The following KIF19 variants were observed in gnomAD, a reference collection of about 807,000 sequenced individuals.
The protein encoded by KIF19 is kinesin family member 19.
In KIF19, 98 loss-of-function variants were observed where a neutral mutation model predicts 106.6. The ratio of observed to expected loss-of-function variants is 0.92; its 90% CI spans 0.78 to 1.09. KIF19 has a LOEUF of 1.09. Among genes scored for constraint, KIF19 ranks in the 50% least tolerant of loss-of-function variants. KIF19 has a pLI of 0.00. For missense variants in KIF19, 1,373 were observed against 1,414.3 expected (o/e 0.97, Z 0.47); for synonymous variants, 516 against 584.2 (o/e 0.88, Z 1.68).
In KIF19 at chr17:74,353,189, A is replaced by G. The variant is rs781767640; in HGVS notation, c.2115-7A>G. Reference sequence around the variant, plus strand: ...TACAGCCACTCATCTTCCTCTGCCAACTTCAGTGAAGGCCACCACGTGTTC... The same window carrying G: ...TACAGCCACTCATCTTCCTCTGCCAGCTTCAGTGAAGGCCACCACGTGTTC... On this transcript the variant is annotated splice_polypyrimidine_tract_variant and splice_region_variant and intron_variant, in intron 15 of 19. Coordinates refer to ENST00000389916, the MANE Select transcript of KIF19 (RefSeq NM_153209.4). 4 of 1,577,302 alleles carry G rather than the reference A, an allele frequency of 2.5e-6. No homozygotes were observed. The highest frequency in any genetic ancestry group is 2.6e-6 in the Non-Finnish European group (3 of 1,161,430).
chr17:74,342,491 C>A, intron 3 of KIF19, 139 bp from the exon 4 acceptor site: 1 of 660,746 alleles, frequency 1.5e-6, no homozygotes, highest in Non-Finnish European at 2.7e-6. Flanking sequence ...ATCCCCTCCC[C>A]CACCCCCCAC....
chr17:74,343,368 C>G (rs1354082785), intron 5 of KIF19, among the ~76,000 whole-genome samples: 1 of 152,126 alleles, frequency 6.6e-6, no homozygotes, highest in Non-Finnish European at 1.5e-5. Flanking sequence ...AACTCAGGAC[C>G]CTGCAGCTTC....
chr17:74,334,739 GAAACAAACAAAC>G (rs889621511), intron 2 of KIF19, among the ~76,000 whole-genome samples: 3 of 152,100 alleles, frequency 2.0e-5, no homozygotes, highest in Non-Finnish European at 4.4e-5. Context: ...CTCCTTTAAA[GAAACAAACAAAC>G]AAACAAACAG....
Position 74,354,472 on chromosome 17 carries a change from G to A in KIF19, c.2619G>A (p.Lys873=). The A allele has an allele frequency of 6.2e-7, 1 of 1,608,980 alleles. No homozygotes were observed. Among genetic ancestry groups the A allele is most frequent in the African/African-American group, 1.3e-5 (1 of 75,016 alleles). Reference sequence around the variant, plus strand: ...CCAGGCCCTGGCTGCGTGGCCAGAAGAAAAGCCTGGGCAAGAAAAGGGAGG... The same window carrying A: ...CCAGGCCCTGGCTGCGTGGCCAGAAAAAAAGCCTGGGCAAGAAAAGGGAGG... ...DGPRPWLRGQ[K]KSLGKKREES... is the part of the protein sequence containing the mutation. The change falls in exon 18 of 20, where the codon AAG becomes AAA. Residue 873 remains lysine, a synonymous_variant. Coordinates refer to ENST00000389916, the MANE Select transcript of KIF19 (RefSeq NM_153209.4).
chr17:74,343,062 G>A lies in KIF19; in HGVS notation c.358G>A (p.Glu120Lys), dbSNP rs1283216248. Residue 120 changes from glutamate to lysine, a missense_variant, in exon 5 of 20, where the codon GAG becomes AAG. Glu to Lys is a moderately conservative substitution (Grantham distance 56). Around this residue, in one of 3 missense-constraint regions of KIF19, gnomAD observed 348 missense variants for 389.5 expected, o/e 0.89. Coordinates refer to ENST00000389916, the MANE Select transcript of KIF19 (RefSeq NM_153209.4). ...KTYTMLGTDQ[E>K]PGIYVQTLND... ...CTACACCATGCTGGGCACAGACCAG[G>A]AGCCTGGCATCTATGTTCAGACCCT... 3 of 1,612,726 alleles carry A rather than the reference G, an allele frequency of 1.9e-6. No individual in the cohort carries two copies. In the South Asian group the frequency reaches 3.3e-5, roughly 18 times the overall value.
Position 74,331,326 on chromosome 17 carries a change from G to C in KIF19, c.120+2821G>C, listed in dbSNP as rs1054867398. 4.6e-5 allele frequency among the ~76,000 whole-genome samples: 7 copies of C among 152,288 alleles called. 1 individual carries two copies. The South Asian group carries it at 1.2e-3, about 27-fold the overall frequency. ...CATGGACAGGTGGGTGTATTTGGGA[G>C]CTGAGCCAGGACATGTTCGTCCTGA... On this transcript the variant is annotated intron_variant, in intron 2 of 19. Coordinates refer to ENST00000389916, the MANE Select transcript of KIF19 (RefSeq NM_153209.4). The surrounding 1 kb of genome is among the most constrained non-coding windows in gnomAD (Gnocchi z 4.1).
At chr17:74,337,811 G>C (rs1254205917) in intron 2 of KIF19, among the ~76,000 whole-genome samples, 1 of 152,192 alleles carries the variant, frequency 6.6e-6, no homozygotes, top group African/African-American at 2.4e-5. Context: ...TGGTCTCCCT[G>C]GCAGCTCAGA....
rs369641076 is a variant in KIF19, at chr17:74,346,354, G to A, written c.778-24G>A. 19 of 1,562,434 alleles carry A rather than the reference G, an allele frequency of 1.2e-5. No homozygotes were observed. Among genetic ancestry groups the A allele is most frequent in the African/African-American group, 1.1e-4 (8 of 73,414 alleles). The stretch of plus-strand genomic sequence containing the variant: ...AGTCCCCTGCCTCATCAGGCCACAC[G>A]TGTGCCCTTTGCTCGCCCCCTAGAC... On this transcript the variant is annotated intron_variant, in intron 7 of 19. Coordinates refer to ENST00000389916, the MANE Select transcript of KIF19 (RefSeq NM_153209.4). The surrounding 1 kb of genome is among the most constrained non-coding windows in gnomAD (Gnocchi z 4.6).
chr17:74,333,626 G>C (rs979337336), intron 2 of KIF19, among the ~76,000 whole-genome samples: 1 of 152,020 alleles, frequency 6.6e-6, no homozygotes, highest in Non-Finnish European at 1.5e-5. Context: ...CTCCCAAAGT[G>C]GTGGGATTAC....
Position 74,346,423 on chromosome 17 carries a change from C to A in KIF19, c.823C>A (p.Arg275Ser). The A allele has an allele frequency of 6.4e-7, 1 of 1,574,002 alleles. No homozygotes were observed. Among genetic ancestry groups the A allele is most frequent in the South Asian group, 1.2e-5 (1 of 85,422 alleles). The stretch of plus-strand genomic sequence containing the variant: ...TATGAAGGAGGGGGCCCACATCAAC[C>A]GCTCACTGCTGGCACTGGGCAACTG... The part of the protein sequence containing the change: ...QRMKEGAHIN[R>S]SLLALGNCIN... The change falls in exon 8 of 20, where the codon CGC (arginine) becomes AGC (serine). Residue 275 changes from arginine to serine, a missense_variant. By Grantham distance (110) the Arg-to-Ser change is moderately radical. This residue lies in a region of KIF19 where 348 missense variants were observed against 389.5 expected (regional missense o/e 0.89). Transcript: ENST00000389916. This position sits in a 1 kb window ranked among gnomAD's most constrained non-coding sequence, Gnocchi z 4.6.
rs1233099335 is a variant in KIF19 at position 74,352,055 on chromosome 17, C to G, written c.1776C>G (p.His592Gln). The change falls in exon 13 of 20, where the codon CAC becomes CAG. Residue 592 changes from histidine (H) to glutamine (Q), a missense_variant. Around this residue, in one of 3 missense-constraint regions of KIF19, gnomAD observed 1,020 missense variants for 1,008.2 expected, o/e 1.01. Transcript: ENST00000389916. ...HALLRDGALR[H>Q]RHEAVRRLEQ... ...TGCTCCGCGACGGTGCGCTCCGCCA[C>G]CGCCACGAGGCCGTGCGCCGCCTGG... 4 of 1,587,078 alleles carry G rather than the reference C, an allele frequency of 2.5e-6. No homozygotes were observed. The highest frequency in any genetic ancestry group is 1.4e-5 in the African/African-American group (1 of 74,064).
chr17:74,340,776 G>A (rs966178323), intron 2 of KIF19, among the ~76,000 whole-genome samples: 2 of 152,228 alleles, frequency 1.3e-5, no homozygotes, highest in Non-Finnish European at 2.9e-5. Context: ...AGCCCAGCGT[G>A]CTGACCTCAT....
At chr17:74,343,340 C>T (rs566349350) in intron 5 of KIF19, among the ~76,000 whole-genome samples, 180 bp downstream of exon 5, 49 of 152,178 alleles carry the variant, frequency 3.2e-4, no homozygotes, top group African/African-American at 1.1e-3. Context: ...ACACAGTAAG[C>T]GAGGGAGCGG....
At chr17:74,349,087 CTG>C in intron 9 of KIF19, 95 bp from the exon 10 acceptor site, 1 of 1,270,346 alleles carries the variant, frequency 7.9e-7, no homozygotes, top group Non-Finnish European at 1.1e-6. Context: ...CCCAGAAAGA[CTG>C]GGGGAGGCAG....
chr17:74,338,573 C>G (rs2054279115), intron 2 of KIF19, among the ~76,000 whole-genome samples: 1 of 152,028 alleles, frequency 6.6e-6, no homozygotes, highest in African/African-American at 2.4e-5. Flanking sequence ...CTTCCCTCCT[C>G]CACTGAGAAT....
chr17:74,354,224 C>A lies in KIF19; in HGVS notation c.2371C>A (p.Arg791=), dbSNP rs767089420. Residue 791 remains arginine, a synonymous_variant, in exon 18 of 20, where the codon CGG becomes AGG. Coordinates refer to ENST00000389916, the MANE Select transcript of KIF19 (RefSeq NM_153209.4). ...IWVKAARRRS[R]ALGTEGRHLL... ...GGTGAAGGCCGCCCGGCGGCGCTCG[C>A]GGGCCCTGGGAACCGAGGGGCGACA... The A allele has an allele frequency of 4.4e-6, 7 of 1,608,894 alleles. No individual in the cohort carries two copies. The highest frequency in any genetic ancestry group is 2.2e-5 in the East Asian group (1 of 44,848).
Position 74,348,044 on chromosome 17 carries a change from A to G in KIF19, c.1047+145A>G, listed in dbSNP as rs2054589271. Reference sequence around the variant, plus strand: ...TTCCCTAGTTGATCGTCACCTGTACACTTTCCCTGCACCTCCAAACCCTGC... The same window carrying G: ...TTCCCTAGTTGATCGTCACCTGTACGCTTTCCCTGCACCTCCAAACCCTGC... On this transcript the variant is annotated intron_variant, in intron 9 of 19. Coordinates refer to ENST00000389916, the MANE Select transcript of KIF19 (RefSeq NM_153209.4). 3.8e-6 allele frequency: 4 copies of G among 1,045,272 alleles called. No individual in the cohort carries two copies. The East Asian group carries it at 8.1e-5, about 21-fold the overall frequency. 64.7% of individuals were successfully genotyped at this position (1,045,272 alleles called of 1,614,324 possible).
At chr17:74,338,668 C>T (rs2054280621) in intron 2 of KIF19, among the ~76,000 whole-genome samples, 1 of 151,860 alleles carries the variant, frequency 6.6e-6, no homozygotes, top group African/African-American at 2.4e-5. Flanking sequence ...CCCAGGAGTC[C>T]AGGTGGTGAA....
intron 2 of KIF19, among the ~76,000 whole-genome samples, chr17:74,335,481 C>T (rs1411616426): frequency 2.0e-5 from 3 of 152,252 alleles, no homozygotes; most frequent in Non-Finnish European, 2.9e-5. Context: ...TGGATGAGAC[C>T]TCCTCTCCCT....
Sources: allele counts gnomAD v4.1 joint callset (sites outside exome capture counted in the v4.1 genomes callset), GRCh38; gene constraint gnomAD v4.1.1; regional missense constraint gnomAD v4.1.1; non-coding constraint Gnocchi (gnomAD v3.1); transcripts MANE v1.5; gene names NCBI Gene and HGNC (gene_info 2026-07-23, HGNC 2026-07-21).